Variants in PAX7 observed in about 807,000 individuals in gnomAD.
The protein encoded by PAX7 is paired box protein Pax-7.
Under a neutral mutation model 50.7 loss-of-function variants are expected in PAX7, and 18 were observed. That is an observed-to-expected ratio of 0.36 (90% CI 0.25 to 0.53). The LOEUF (loss-of-function observed/expected upper bound fraction) is 0.53. Among genes scored for constraint, PAX7 ranks in the 20% least tolerant of loss-of-function variants. The probability of loss-of-function intolerance (pLI) is 0.93; values close to 1 mark genes in which losing one functional copy is unlikely to be tolerated. For synonymous variants in PAX7, 310 were observed against 290.4 expected (o/e 1.07, Z -0.69); for missense variants, 644 against 702.9 (o/e 0.92, Z 0.95).
chr1:18,643,553 C>A (rs2088291532), intron 4 of PAX7, among the ~76,000 whole-genome samples: 1 of 152,220 alleles, frequency 6.6e-6, no homozygotes. Flanking sequence ...CACCGAGAGA[C>A]TGGCCCTGGG....
chr1:18,647,491 T>TG (rs558050354), intron 4 of PAX7, among the ~76,000 whole-genome samples: 154 of 43,110 alleles, frequency 3.6e-3, no homozygotes, highest in Admixed American at 8.7e-3. Context: ...TTGGGCGGGG[T>TG]GGGGGGGGAG....
intron 4 of PAX7, among the ~76,000 whole-genome samples, chr1:18,684,762 C>T (rs2088951262): frequency 6.6e-6 from 1 of 152,228 alleles, no homozygotes; most frequent in Admixed American, 6.5e-5. Context: ...CAGCTCAACA[C>T]CGGGGCCTAT....
At chr1:18,637,514 C>G (rs558943517) in intron 4 of PAX7, among the ~76,000 whole-genome samples, 1 of 152,336 alleles carries the variant, frequency 6.6e-6, no homozygotes, top group South Asian at 2.1e-4. Context: ...AACCTGAAAG[C>G]TTGCAAAAAG....
Position 18,745,557 on chromosome 1 carries a change from ACCTCTAC to A in PAX7, c.*629_*635del, listed in dbSNP as rs1464122636. On this transcript the variant is annotated 3_prime_UTR_variant, in exon 9 of 9. Coordinates refer to ENST00000420770, the MANE Select transcript of PAX7 (RefSeq NM_001135254.2). ...AAGGACTTCAGAACCCTCCCCAGAC[ACCTCTAC>A]TGGGTGCATGGGGAAATCTAGCACA... is the stretch of plus-strand genomic sequence containing the variant. The A allele has an allele frequency of 4.3e-6, 1 of 230,018 alleles. No individual in the cohort carries two copies. The highest frequency in any genetic ancestry group is 8.6e-6 in the Non-Finnish European group (1 of 116,322). 14.2% of individuals were successfully genotyped at this position (230,018 alleles called of 1,614,324 possible).
chr1:18,716,220 C>T (rs1196670018), intron 7 of PAX7, among the ~76,000 whole-genome samples: 1 of 152,220 alleles, frequency 6.6e-6, no homozygotes, highest in Non-Finnish European at 1.5e-5. Flanking sequence ...GGGTCGGGTC[C>T]CCCAGGACAT....
At position 18,631,459 on chromosome 1, in the gene PAX7, T is replaced by C. The variant is rs1570093668; in HGVS notation, c.-145T>C. 1.6e-6 allele frequency: 1 copy of C among 640,600 alleles called. No individual in the cohort carries two copies. Among genetic ancestry groups the C allele is most frequent in the Admixed American group, 2.5e-5 (1 of 39,600 alleles). 39.7% of individuals were successfully genotyped at this position (640,600 alleles called of 1,614,324 possible). On this transcript the variant is annotated 5_prime_UTR_variant, in exon 1 of 9. Transcript: ENST00000420770. ...TGCAGCCAGGGGTGGGGGGTGGGGGTAGGGAGTGTGTGTGGAGGGGAGGGA... is the reference window on the plus strand; with the variant it reads ...TGCAGCCAGGGGTGGGGGGTGGGGGCAGGGAGTGTGTGTGGAGGGGAGGGA...
At chr1:18,661,736 C>T (rs541555273) in intron 4 of PAX7, among the ~76,000 whole-genome samples, 55 of 152,116 alleles carry the variant, frequency 3.6e-4, no homozygotes, top group Non-Finnish European at 4.9e-4. Context: ...TGGGCTCCCT[C>T]GGCCAACTGG....
chr1:18,664,257 C>T lies in PAX7; in HGVS notation c.587-27497C>T, dbSNP rs1398812997. Among the ~76,000 whole-genome samples the T allele has an allele frequency of 2.6e-5, 4 of 152,250 alleles. No individual in the cohort carries two copies. The East Asian group carries it at 7.7e-4, about 29-fold the overall frequency. Reference sequence around the variant, plus strand: ...CAGCTAATCAGTGGCAGAGCTGGGACAGATTCCCTTTTGTTGGAAAGATGA... The same window carrying T: ...CAGCTAATCAGTGGCAGAGCTGGGATAGATTCCCTTTTGTTGGAAAGATGA... On this transcript the variant is annotated intron_variant, in intron 4 of 8. Transcript: ENST00000420770.
At chr1:18,662,961 G>T (rs2088621620) in intron 4 of PAX7, among the ~76,000 whole-genome samples, 1 of 151,860 alleles carries the variant, frequency 6.6e-6, no homozygotes, top group Non-Finnish European at 1.5e-5. Context: ...AAGTAAAAAA[G>T]CTTGTCAGCC....
At position 18,744,903 on chromosome 1, in the gene PAX7, C is replaced by A. The variant is rs988466486; in HGVS notation, c.1492C>A (p.Pro498Thr). Residue 498 changes from proline (P) to threonine (T), a missense_variant, in exon 9 of 9, where the codon CCT (proline) becomes ACT (threonine). Transcript: ENST00000420770. ...GEHSAVLGLL[P>T]VETGQAY Reference sequence around the variant, plus strand: ...GCACTCTGCTGTGCTGGGACTCCTGCCTGTGGAAACTGGCCAGGCCTACTA... The same window carrying A: ...GCACTCTGCTGTGCTGGGACTCCTGACTGTGGAAACTGGCCAGGCCTACTA... The A allele has an allele frequency of 1.9e-6, 3 of 1,553,382 alleles. No individual in the cohort carries two copies. The highest frequency in any genetic ancestry group is 1.7e-6 in the Non-Finnish European group (2 of 1,147,600).
At chr1:18,710,392 C>T (rs1259970782) in intron 7 of PAX7, among the ~76,000 whole-genome samples, 2 of 152,186 alleles carry the variant, frequency 1.3e-5, no homozygotes, top group Non-Finnish European at 2.9e-5. Context: ...CTATCACTTC[C>T]TCTTCATGCC....
At position 18,725,308 on chromosome 1, in the gene PAX7, CCCCCG is replaced by C. The variant is rs1036688596; in HGVS notation, c.1156-10319_1156-10315del. On this transcript the variant is annotated intron_variant, in intron 7 of 8. Transcript: ENST00000420770. ...CAATTACAGAGGTGGAGACGCCCCCCCCCCGCCCCACCAACACCGCCAGGCCAGGG... is the reference window on the plus strand; with the variant it reads ...CAATTACAGAGGTGGAGACGCCCCCCCCCCACCAACACCGCCAGGCCAGGG... 1.1e-4 allele frequency among the ~76,000 whole-genome samples: 6 copies of C among 55,450 alleles called. 1 individual carries two copies. The highest frequency in any genetic ancestry group is 4.9e-4 in the East Asian group (1 of 2,052). The allele number at this position is 55,450 out of a possible 152,430, so 36.4% of individuals were successfully genotyped here.
intron 8 of PAX7, among the ~76,000 whole-genome samples, chr1:18,737,426 C>T (rs1930817613): frequency 6.6e-6 from 1 of 152,258 alleles, no homozygotes; most frequent in Non-Finnish European, 1.5e-5. Context: ...CTCCACCTCC[C>T]AGCTGTGTTC....
At chr1:18,716,724 TC>T (rs941692217) in intron 7 of PAX7, among the ~76,000 whole-genome samples, 12 of 151,932 alleles carry the variant, frequency 7.9e-5, no homozygotes, top group Admixed American at 5.9e-4. Context: ...GCCTGCCTCC[TC>T]CCATAGCTGG....
intron 4 of PAX7, among the ~76,000 whole-genome samples, chr1:18,684,857 A>C (rs558712837): frequency 6.6e-6 from 1 of 152,232 alleles, no homozygotes; most frequent in East Asian, 1.9e-4. Context: ...GGAGGGTGTG[A>C]GGGAGGCTGA....
intron 7 of PAX7, among the ~76,000 whole-genome samples, chr1:18,705,288 G>A (rs900504182): frequency 6.6e-6 from 1 of 152,214 alleles, no homozygotes; most frequent in Non-Finnish European, 1.5e-5. Context: ...CCCTTGAGAT[G>A]AGTCACAACA....
intron 4 of PAX7, among the ~76,000 whole-genome samples, chr1:18,659,063 CATGT>C (rs1247942298): frequency 6.6e-6 from 1 of 152,024 alleles, no homozygotes; most frequent in Non-Finnish European, 1.5e-5. Context: ...TGTGTGCATG[CATGT>C]GACTGTGTGC....
In PAX7 at chr1:18,636,089, A is replaced by T. The variant is rs886873586; in HGVS notation, c.452-148A>T. 3.7e-6 allele frequency: 3 copies of T among 813,808 alleles called. No individual in the cohort carries two copies. The highest frequency in any genetic ancestry group is 6.0e-6 in the Non-Finnish European group (3 of 503,610). The allele number at this position is 813,808 out of a possible 1,614,324, so 50.4% of individuals were successfully genotyped here. A position where few individuals can be genotyped will look rare whatever the true frequency, so the allele number is the denominator to read the frequency against. ...GATGCTGGTTATGGAGTACGTGTCAATGCCTAAATGCCTGTGTGTGGAAGA... is the reference window on the plus strand; with the variant it reads ...GATGCTGGTTATGGAGTACGTGTCATTGCCTAAATGCCTGTGTGTGGAAGA... On this transcript the variant is annotated intron_variant, in intron 3 of 8. Transcript: ENST00000420770. This position sits in a 1 kb window ranked among gnomAD's most constrained non-coding sequence, Gnocchi z 5.1.
intron 3 of PAX7, among the ~76,000 whole-genome samples, chr1:18,635,705 G>A (rs776499172): frequency 5.9e-5 from 9 of 152,144 alleles, no homozygotes; most frequent in Non-Finnish European, 1.2e-4. Flanking sequence ...CTAGACCACC[G>A]TCTCAGAGTT....
Sources: allele counts gnomAD v4.1 joint callset (sites outside exome capture counted in the v4.1 genomes callset), GRCh38; gene constraint gnomAD v4.1.1; non-coding constraint Gnocchi (gnomAD v3.1); transcripts MANE v1.5; gene names NCBI Gene and HGNC (gene_info 2026-07-23, HGNC 2026-07-21).